KATNAL2: variants seen among roughly 807,000 people sequenced by gnomAD.
The protein encoded by KATNAL2 is katanin catalytic subunit A1 like 2.
KATNAL2 carries 52 observed loss-of-function variants against 76.3 expected under a neutral mutation model. The ratio of observed to expected loss-of-function variants is 0.68; its 90% CI spans 0.55 to 0.86. KATNAL2 has a LOEUF of 0.86. Among genes scored for constraint, KATNAL2 ranks in the 40% least tolerant of loss-of-function variants. The probability of loss-of-function intolerance (pLI) is 0.00; values close to 1 mark genes in which losing one functional copy is unlikely to be tolerated. For missense variants in KATNAL2, 660 were observed against 668.9 expected (o/e 0.99, Z 0.15); for synonymous variants, 243 against 244.2 (o/e 1.00, Z 0.05).
intron 15 of KATNAL2, among the ~76,000 whole-genome samples, chr18:47,080,912 T>C (rs1420256618): frequency 1.3e-5 from 2 of 152,188 alleles, no homozygotes; most frequent in South Asian, 4.1e-4. Flanking sequence ...TTTTAAAATA[T>C]ATTCCAGATA....
intron 1 of KATNAL2, among the ~76,000 whole-genome samples, chr18:46,920,557 T>G (rs2058482250): frequency 6.6e-6 from 1 of 152,196 alleles, no homozygotes; most frequent in African/African-American, 2.4e-5. Flanking sequence ...GAGTTGAGAT[T>G]TCTATTAGTT....
In KATNAL2 at chr18:47,101,846, G is replaced by A. The variant is rs1334589841; in HGVS notation, c.*841G>A. On this transcript the variant is annotated 3_prime_UTR_variant, in exon 18 of 18. Coordinates refer to ENST00000683218, the MANE Select transcript of KATNAL2 (RefSeq NM_001387690.1). ...TAGGCTCTTCCCCCTCTCCTTAAGG[G>A]GTTATAAACAACTAGACGCATCTCT... 1 of 152,100 alleles carries A rather than the reference G, an allele frequency of 6.6e-6. No homozygotes were observed. The highest frequency in any genetic ancestry group is 1.9e-4 in the East Asian group (1 of 5,196). 9.4% of individuals were successfully genotyped at this position (152,100 alleles called of 1,614,324 possible).
chr18:47,081,539 C>G (rs1169594639), intron 15 of KATNAL2, among the ~76,000 whole-genome samples: 1 of 152,070 alleles, frequency 6.6e-6, no homozygotes, highest in Admixed American at 6.6e-5. Context: ...GTTTCAATAC[C>G]CAAAAGCCAC....
chr18:47,067,459 T>C (rs1226368353), intron 11 of KATNAL2, among the ~76,000 whole-genome samples: 1 of 152,068 alleles, frequency 6.6e-6, no homozygotes, highest in Non-Finnish European at 1.5e-5. Flanking sequence ...TAGGGGAGAA[T>C]CTCTCACTTT....
intron 1 of KATNAL2, chr18:46,920,053 A>G: frequency 7.8e-7 from 1 of 1,289,330 alleles, no homozygotes; most frequent in South Asian, 1.2e-5. Context: ...CCCCACTGAA[A>G]CTTACGTGCA....
chr18:47,035,305 A>T (rs773691103), intron 3 of KATNAL2: 3 of 1,611,168 alleles, frequency 1.9e-6, no homozygotes, highest in Non-Finnish European at 2.5e-6. Context: ...CGGCGGTCGC[A>T]GCTCTGTCTT....
At chr18:46,934,116 G>A (rs565764476) in intron 1 of KATNAL2, among the ~76,000 whole-genome samples, 12 of 152,098 alleles carry the variant, frequency 7.9e-5, no homozygotes, top group Middle Eastern at 3.4e-3. Context: ...ACACGTGTGC[G>A]TGTGTCTTTA....
intron 1 of KATNAL2, among the ~76,000 whole-genome samples, chr18:46,923,590 A>G (rs1197588000): frequency 6.6e-6 from 1 of 152,204 alleles, no homozygotes. Context: ...GTATATACCC[A>G]GTAATGGGAC....
At chr18:47,045,646 A>G (rs1374098086) in intron 3 of KATNAL2, among the ~76,000 whole-genome samples, 3 of 152,196 alleles carry the variant, frequency 2.0e-5, no homozygotes, top group Non-Finnish European at 4.4e-5. Flanking sequence ...TCTATGTATC[A>G]TGAATATAAG....
At chr18:47,053,737 A>C (rs1211640222) in intron 5 of KATNAL2, among the ~76,000 whole-genome samples, 1 of 152,244 alleles carries the variant, frequency 6.6e-6, no homozygotes, top group Non-Finnish European at 1.5e-5. Flanking sequence ...ACATCAATTT[A>C]AAATAGCCAG....
At chr18:46,951,506 T>A (rs2059555185) in intron 3 of KATNAL2, among the ~76,000 whole-genome samples, 1 of 148,988 alleles carries the variant, frequency 6.7e-6, no homozygotes, top group Non-Finnish European at 1.5e-5. Context: ...CTATACAGCT[T>A]TTTTTTTTTC....
chr18:47,034,263 G>A (rs540412608), intron 3 of KATNAL2: 46 of 1,613,836 alleles, frequency 2.9e-5, no homozygotes, highest in Non-Finnish European at 3.8e-5. Context: ...CTTTCTCCTC[G>A]GGCGACAGGC....
At chr18:47,054,626 C>T in intron 6 of KATNAL2, 188 bp downstream of exon 6, 2 of 652,688 alleles carry the variant, frequency 3.1e-6, no homozygotes, top group South Asian at 3.9e-5. Flanking sequence ...TCCGTCTACT[C>T]TCCTGGTTTT....
intron 15 of KATNAL2, among the ~76,000 whole-genome samples, chr18:47,097,161 T>C (rs1235576156): frequency 6.6e-6 from 1 of 150,468 alleles, no homozygotes; most frequent in African/African-American, 2.4e-5. Flanking sequence ...TGTGTGTATG[T>C]GTGTGTTTAA....
intron 6 of KATNAL2, among the ~76,000 whole-genome samples, chr18:47,056,372 C>T (rs567781317): frequency 6.6e-6 from 1 of 152,308 alleles, no homozygotes; most frequent in African/African-American, 2.4e-5. Context: ...GGAGGTCACA[C>T]TATTCTGGAA....
intron 4 of KATNAL2, among the ~76,000 whole-genome samples, chr18:47,048,008 G>A (rs140591541): frequency 1.4e-4 from 21 of 152,328 alleles, no homozygotes; most frequent in African/African-American, 4.6e-4. Context: ...AGTTAGAGCA[G>A]TGGTTCTCAA....
rs759070334 is a variant in KATNAL2, at chr18:47,077,430, G to A, written c.1180G>A (p.Val394Ile). Residue 394 changes from valine to isoleucine, a missense_variant, in exon 15 of 18, where the codon GTA becomes ATA. Transcript: ENST00000683218. ...MDGLARSEDL[V>I]FVLAASNLPW... ...TGGGCTGGCACGCTCAGAAGATCTC[G>A]TATTTGTCTTAGCAGCTTCTAACCT... 39 of 1,613,858 alleles carry A rather than the reference G, an allele frequency of 2.4e-5. No homozygotes were observed. The highest frequency in any genetic ancestry group is 2.2e-4 in the Admixed American group (13 of 60,000).
chr18:47,033,942 C>A (rs951561836), intron 3 of KATNAL2: 23 of 1,612,930 alleles, frequency 1.4e-5, no homozygotes, highest in Non-Finnish European at 1.9e-5. Context: ...CGGCCGCCTG[C>A]AGCCTCTCTG....
intron 3 of KATNAL2, among the ~76,000 whole-genome samples, chr18:46,953,553 T>G (rs1381683633): frequency 6.6e-6 from 1 of 152,066 alleles, no homozygotes; most frequent in Middle Eastern, 3.2e-3. Flanking sequence ...TCCAGGAGTT[T>G]GAGACCAGCG....
Sources: gnomAD v4.1 joint callset for allele counts (sites outside exome capture counted in the v4.1 genomes callset) on GRCh38, gnomAD v4.1.1 for gene constraint, MANE v1.5 for transcripts, NCBI Gene and HGNC (gene_info 2026-07-23, HGNC 2026-07-21) for gene names.